The following CPA6 variants were observed in gnomAD, a reference collection of about 807,000 sequenced individuals.
CPA6 encodes carboxypeptidase A6.
A neutral mutation model predicts 63.3 loss-of-function variants in CPA6; 58 were observed. That is an observed-to-expected ratio of 0.92 (90% CI 0.74 to 1.14). The LOEUF (loss-of-function observed/expected upper bound fraction) is 1.14. Among genes scored for constraint, CPA6 ranks in the 50% most tolerant of loss-of-function variants. CPA6 has a pLI of 0.00. For missense variants in CPA6, 565 were observed against 526.6 expected (o/e 1.07, Z -0.71); for synonymous variants, 185 against 179.0 (o/e 1.03, Z -0.27).
intron 8 of CPA6, chr8:67,452,745 G>C (rs1406383546): frequency 1.3e-5 from 2 of 152,324 alleles, no homozygotes; most frequent in East Asian, 3.8e-4. Context: ...GTGTGAGAAA[G>C]ATTAGGAGTA....
intron 1 of CPA6, among the ~76,000 whole-genome samples, chr8:67,643,195 A>G (rs1315054691): frequency 6.6e-6 from 1 of 152,204 alleles, no homozygotes; most frequent in Non-Finnish European, 1.5e-5. Context: ...AATTAAAACC[A>G]CAGGAGACAT....
intron 6 of CPA6, among the ~76,000 whole-genome samples, chr8:67,495,935 G>C (rs1299830718): frequency 6.6e-6 from 1 of 152,076 alleles, no homozygotes; most frequent in Non-Finnish European, 1.5e-5. Context: ...GCATTATATG[G>C]CATTAGAGTT....
chr8:67,733,229 A>AAAAAAC (rs1817748247), intron 1 of CPA6, among the ~76,000 whole-genome samples: 1 of 139,678 alleles, frequency 7.2e-6, no homozygotes, highest in African/African-American at 2.7e-5. Flanking sequence ...AAAAAATAAA[A>AAAAAAC]AAATTTAGCG....
chr8:67,704,294 C>G (rs573086786), intron 1 of CPA6, among the ~76,000 whole-genome samples: 3 of 152,156 alleles, frequency 2.0e-5, no homozygotes, highest in Non-Finnish European at 4.4e-5. Context: ...TCTCAATACG[C>G]GTCAAGACCT....
At chr8:67,434,467 C>T (rs1235573984) in intron 8 of CPA6, among the ~76,000 whole-genome samples, 1 of 152,172 alleles carries the variant, frequency 6.6e-6, no homozygotes, top group African/African-American at 2.4e-5. Context: ...AGTGATTTTT[C>T]AACTGAACAT....
chr8:67,529,497 A>T (rs895571695), intron 2 of CPA6, among the ~76,000 whole-genome samples: 1 of 152,206 alleles, frequency 6.6e-6, no homozygotes, highest in African/African-American at 2.4e-5. Flanking sequence ...TGAGGACTCT[A>T]AATTCTCTAT....
At chr8:67,545,580 T>G (rs113227556) in intron 2 of CPA6, among the ~76,000 whole-genome samples, 1,386 of 125,496 alleles carry the variant, frequency 0.011, 24 homozygotes, top group East Asian at 0.09. Context: ...TTTTTTTTTT[T>G]TTTTGAGATG....
chr8:67,439,199 G>A (rs987246817), intron 8 of CPA6, among the ~76,000 whole-genome samples: 1 of 152,102 alleles, frequency 6.6e-6, no homozygotes, highest in African/African-American at 2.4e-5. Flanking sequence ...GAAAGGCAGA[G>A]GCAGGATTGC....
intron 1 of CPA6, among the ~76,000 whole-genome samples, chr8:67,728,345 A>G (rs1219640059): frequency 6.6e-6 from 1 of 152,130 alleles, no homozygotes; most frequent in Non-Finnish European, 1.5e-5. Flanking sequence ...ACATTAATAC[A>G]CTTGTATACC....
intron 2 of CPA6, among the ~76,000 whole-genome samples, chr8:67,612,607 C>T (rs1338716541): frequency 3.3e-5 from 5 of 152,138 alleles, no homozygotes; most frequent in Non-Finnish European, 5.9e-5. Context: ...AAAGCAAATC[C>T]AATTATCAGC....
At chr8:67,630,875 G>A (rs187747219) in intron 1 of CPA6, among the ~76,000 whole-genome samples, 2 of 152,380 alleles carry the variant, frequency 1.3e-5, no homozygotes, top group East Asian at 3.9e-4. Context: ...TGGGCCAGCA[G>A]CTGCGGAGGC....
intron 2 of CPA6, among the ~76,000 whole-genome samples, chr8:67,623,244 TCATTC>T (rs1197906164): frequency 6.6e-6 from 1 of 152,194 alleles, no homozygotes; most frequent in East Asian, 1.9e-4. Context: ...CTGAATTCAT[TCATTC>T]ATTAAGGAAA....
rs200291315 is a variant in CPA6 at position 67,667,509 on chromosome 8, GA to G, written c.117-43259del. 4.5e-3 allele frequency among the ~76,000 whole-genome samples: 669 copies of G among 149,316 alleles called. 4 individuals carry two copies. Among genetic ancestry groups the G allele is most frequent in the Non-Finnish European group, 7.2e-3 (485 of 67,250 alleles). ...TTCAACTTCCCCGCTAAAAGTTAGA[GA>G]AAAAAAAAATTAAAGCTGTTAATTT... On this transcript the variant is annotated intron_variant, in intron 1 of 10. Coordinates refer to ENST00000297770, the MANE Select transcript of CPA6 (RefSeq NM_020361.5).
chr8:67,522,274 C>T lies in CPA6; in HGVS notation c.193-4227G>A, dbSNP rs1359179668. Reference sequence around the variant, plus strand: ...ACAGATGGCTACCCACTTTCAGGCCCCCTCTCACACAGTGGGCTACCCACT... The same window carrying T: ...ACAGATGGCTACCCACTTTCAGGCCTCCTCTCACACAGTGGGCTACCCACT... On this transcript the variant is annotated intron_variant, in intron 2 of 10. Transcript: ENST00000297770. Among the ~76,000 whole-genome samples, 10 of 152,166 alleles carry T rather than the reference C, an allele frequency of 6.6e-5. No individual in the cohort carries two copies. The East Asian group carries it at 1.9e-3, about 29-fold the overall frequency.
intron 2 of CPA6, among the ~76,000 whole-genome samples, chr8:67,554,649 C>G (rs544856489): frequency 6.6e-6 from 1 of 152,328 alleles, no homozygotes; most frequent in East Asian, 1.9e-4. Flanking sequence ...GACCTCTGAA[C>G]CAAGGAAGCC....
intron 3 of CPA6, among the ~76,000 whole-genome samples, chr8:67,517,203 T>C (rs1587513039): frequency 6.6e-6 from 1 of 152,204 alleles, no homozygotes; most frequent in East Asian, 1.9e-4. Flanking sequence ...GCTAGAAAAC[T>C]TGGAGTCATC....
chr8:67,458,032 A>G (rs1188062358), intron 8 of CPA6, among the ~76,000 whole-genome samples: 1 of 152,214 alleles, frequency 6.6e-6, no homozygotes, highest in Non-Finnish European at 1.5e-5. Context: ...ATGGTGCTGG[A>G]ACAACTGAAC....
chr8:67,503,601 C>A (rs1563978748), intron 6 of CPA6, among the ~76,000 whole-genome samples: 1 of 151,820 alleles, frequency 6.6e-6, no homozygotes, highest in Non-Finnish European at 1.5e-5. Flanking sequence ...AGCCACCATG[C>A]CCAGCTTGAT....
chr8:67,731,275 C>A (rs1817700561), intron 1 of CPA6, among the ~76,000 whole-genome samples: 1 of 152,178 alleles, frequency 6.6e-6, no homozygotes, highest in Non-Finnish European at 1.5e-5. Context: ...AAAAAAGAGG[C>A]CAAGATAGTG....
Sources: allele counts gnomAD v4.1 joint callset (sites outside exome capture counted in the v4.1 genomes callset), GRCh38; gene constraint gnomAD v4.1.1; transcripts MANE v1.5; gene names NCBI Gene and HGNC (gene_info 2026-07-23, HGNC 2026-07-21).